Variants in RNF24 observed in about 807,000 individuals in gnomAD.
RNF24 encodes the protein ring finger protein 24.
Under a neutral mutation model 20.0 loss-of-function variants are expected in RNF24, and 14 were observed. That is an observed-to-expected ratio of 0.70 (90% CI 0.46 to 1.10). RNF24 has a LOEUF of 1.10. Among genes scored for constraint, RNF24 ranks in the 50% least tolerant of loss-of-function variants. RNF24 has a pLI of 0.00. For missense variants in RNF24, 124 were observed against 177.6 expected (o/e 0.70, Z 1.71); for synonymous variants, 45 against 61.1 (o/e 0.74, Z 1.23).
chr20:3,962,315 C>G (rs760512379), intron 2 of RNF24, among the ~76,000 whole-genome samples: 1 of 152,152 alleles, frequency 6.6e-6, no homozygotes, highest in Non-Finnish European at 1.5e-5. Flanking sequence ...GACTGTGCCA[C>G]TGCACTCCAA....
At position 3,963,893 on chromosome 20, in the gene RNF24, AAGAGTAAAC is replaced by A. The variant is rs1329947264; in HGVS notation, c.116_124del (p.Ser39_Phe42delinsIle). The A allele has an allele frequency of 1.3e-6, 2 of 1,592,050 alleles. No individual in the cohort carries two copies. The highest frequency in any genetic ancestry group is 1.7e-6 in the Non-Finnish European group (2 of 1,168,884). On this transcript the variant is annotated inframe_deletion, in exon 2 of 6. Transcript: ENST00000358395. ...TGGTTACCTAATCAAGTAGCAACAG[AAGAGTAAAC>A]TAAGGATGAAGACAAATATAGCAGT...
chr20:3,985,699 ATTT>A (rs76466197), intron 1 of RNF24, among the ~76,000 whole-genome samples: 5 of 131,230 alleles, frequency 3.8e-5, no homozygotes, highest in Admixed American at 7.8e-5. Flanking sequence ...ATTCCTAGTA[ATTT>A]TTTTTTTTTT....
chr20:3,948,310 G>A, intron 2 of RNF24, 31 bp from the exon 3 acceptor site: 2 of 1,478,566 alleles, frequency 1.4e-6, no homozygotes, highest in Non-Finnish European at 1.8e-6. Context: ...ATGCAATATT[G>A]AGATTTCCAA....
At chr20:4,014,267 A>T (rs1347774426) in intron 1 of RNF24, among the ~76,000 whole-genome samples, 1 of 152,244 alleles carries the variant, frequency 6.6e-6, no homozygotes, top group Non-Finnish European at 1.5e-5. Flanking sequence ...TAAGGGGAAA[A>T]AAAAGCAAGG....
chr20:3,939,281 T>C (rs988426996), intron 4 of RNF24, among the ~76,000 whole-genome samples: 1 of 152,166 alleles, frequency 6.6e-6, no homozygotes, highest in African/African-American at 2.4e-5. Flanking sequence ...GCATGTGTCA[T>C]GGCACTGGGC....
At chr20:4,007,162 G>T (rs1027464486) in intron 1 of RNF24, among the ~76,000 whole-genome samples, 1 of 152,136 alleles carries the variant, frequency 6.6e-6, no homozygotes, top group Non-Finnish European at 1.5e-5. Flanking sequence ...TGTATATTTT[G>T]TATTTTAAAA....
At chr20:4,007,895 C>T (rs190280109) in intron 1 of RNF24, among the ~76,000 whole-genome samples, 3 of 151,436 alleles carry the variant, frequency 2.0e-5, no homozygotes, top group Non-Finnish European at 4.4e-5. Context: ...GCAGCCTGGG[C>T]GACAGAACAA....
chr20:3,986,442 G>A (rs911715878), intron 1 of RNF24, among the ~76,000 whole-genome samples: 4 of 151,964 alleles, frequency 2.6e-5, no homozygotes, highest in Non-Finnish European at 4.4e-5. Flanking sequence ...TTTTTGTAGA[G>A]ATGGGGTTTA....
intron 3 of RNF24, among the ~76,000 whole-genome samples, chr20:3,947,216 G>A (rs1046949688): frequency 1.3e-5 from 2 of 151,138 alleles, no homozygotes; most frequent in Admixed American, 1.3e-4. Flanking sequence ...AACAAGATAC[G>A]CAGTTCTGAA....
At chr20:4,003,357 C>T (rs1021608221) in intron 1 of RNF24, among the ~76,000 whole-genome samples, 4 of 152,148 alleles carry the variant, frequency 2.6e-5, no homozygotes, top group Non-Finnish European at 5.9e-5. Flanking sequence ...TTTTAATATG[C>T]AACATTTACA....
chr20:3,961,397 G>GAA (rs376815191), intron 2 of RNF24, among the ~76,000 whole-genome samples: 14 of 123,056 alleles, frequency 1.1e-4, no homozygotes, highest in Admixed American at 2.5e-4. Context: ...ACACTATCTT[G>GAA]AAAAAAAAAA....
chr20:3,957,747 CATTA>C (rs1219428048), intron 2 of RNF24, among the ~76,000 whole-genome samples: 9 of 152,054 alleles, frequency 5.9e-5, no homozygotes, highest in African/African-American at 2.2e-4. Context: ...CTCTAACTCC[CATTA>C]ATTATCTAAT....
At chr20:4,008,117 G>A (rs1379721039) in intron 1 of RNF24, among the ~76,000 whole-genome samples, 1 of 149,836 alleles carries the variant, frequency 6.7e-6, no homozygotes, top group Admixed American at 6.8e-5. Context: ...CGAGTACTGA[G>A]TTTCGTGTTT....
At chr20:3,996,209 C>T (rs905270681) in intron 1 of RNF24, among the ~76,000 whole-genome samples, 1 of 152,156 alleles carries the variant, frequency 6.6e-6, no homozygotes, top group African/African-American at 2.4e-5. Context: ...GAAAAATTTA[C>T]ACTTAACCAA....
chr20:4,000,615 C>T (rs1981311916), intron 1 of RNF24, among the ~76,000 whole-genome samples: 1 of 152,210 alleles, frequency 6.6e-6, no homozygotes, highest in South Asian at 2.1e-4. Flanking sequence ...TTTACATCAT[C>T]TGACATCCAC....
intron 1 of RNF24, among the ~76,000 whole-genome samples, chr20:3,968,621 G>C (rs1421548249): frequency 6.6e-6 from 1 of 152,176 alleles, no homozygotes; most frequent in Non-Finnish European, 1.5e-5. Context: ...ATCTCTAAAA[G>C]AGAAAGCTTT....
intron 3 of RNF24, among the ~76,000 whole-genome samples, chr20:3,946,297 T>A (rs998220583): frequency 3.6e-4 from 55 of 152,130 alleles, no homozygotes; most frequent in African/African-American, 1.3e-3. Context: ...CAAAACCCTG[T>A]CTCTACAAAA....
intron 1 of RNF24, among the ~76,000 whole-genome samples, chr20:3,977,212 T>A (rs1978938677): frequency 6.6e-6 from 1 of 152,222 alleles, no homozygotes; most frequent in African/African-American, 2.4e-5. Context: ...CATAGTAATC[T>A]AGATTAAGGC....
chr20:3,991,948 A>ATG (rs1980480327), intron 1 of RNF24, among the ~76,000 whole-genome samples: 1 of 152,010 alleles, frequency 6.6e-6, no homozygotes, highest in Admixed American at 6.6e-5. Context: ...ACGCACACAC[A>ATG]CACACACACA....
Sources: gnomAD v4.1 joint callset for allele counts (sites outside exome capture counted in the v4.1 genomes callset) on GRCh38, gnomAD v4.1.1 for gene constraint, MANE v1.5 for transcripts, NCBI Gene and HGNC (gene_info 2026-07-23, HGNC 2026-07-21) for gene names.